The following LRFN5 variants were observed in gnomAD, a reference collection of about 807,000 sequenced individuals.
LRFN5 encodes the protein leucine rich repeat and fibronectin type III domain containing 5, also known as leucine-rich repeat and fibronectin type-III domain-containing protein 5.
A neutral mutation model predicts 45.6 loss-of-function variants in LRFN5; 24 were observed. The observed-to-expected ratio is 0.53, with a 90% CI of 0.38 to 0.74. LRFN5 has a LOEUF of 0.74. Among genes scored for constraint, LRFN5 ranks in the 30% least tolerant of loss-of-function variants. The probability of loss-of-function intolerance (pLI) is 0.00; values close to 1 mark genes in which losing one functional copy is unlikely to be tolerated. For synonymous variants in LRFN5, 340 were observed against 313.8 expected (o/e 1.08, Z -0.88); for missense variants, 776 against 861.5 (o/e 0.90, Z 1.24).
chr14:41,632,032 G>A (rs180847383), intron 1 of LRFN5, among the ~76,000 whole-genome samples: 2 of 152,144 alleles, frequency 1.3e-5, no homozygotes, highest in African/African-American at 4.8e-5. Flanking sequence ...AACAAGGGAG[G>A]ACTAAAGTCT....
intron 1 of LRFN5, among the ~76,000 whole-genome samples, chr14:41,639,531 A>G (rs568826919): frequency 1.8e-4 from 27 of 152,220 alleles, no homozygotes; most frequent in African/African-American, 1.4e-4. Flanking sequence ...TAGTTTGTTC[A>G]TTTATGAAAT....
intron 1 of LRFN5, among the ~76,000 whole-genome samples, chr14:41,710,762 CT>C: frequency 6.6e-6 from 1 of 152,116 alleles, no homozygotes; most frequent in South Asian, 2.1e-4. Context: ...AATGTTATCC[CT>C]CCCCCGTCCC....
chr14:41,815,951 G>A (rs1887901657), intron 2 of LRFN5, among the ~76,000 whole-genome samples: 2 of 151,856 alleles, frequency 1.3e-5, no homozygotes, highest in Non-Finnish European at 2.9e-5. Flanking sequence ...TCTATTTGTT[G>A]CCCTTATTAT....
chr14:41,845,697 G>A (rs1365451412), intron 2 of LRFN5, among the ~76,000 whole-genome samples: 1 of 151,958 alleles, frequency 6.6e-6, no homozygotes, highest in Non-Finnish European at 1.5e-5. Context: ...GGTGCAACTA[G>A]CAACAGATAA....
chr14:41,757,715 G>A (rs953937169), intron 1 of LRFN5, among the ~76,000 whole-genome samples: 2 of 152,178 alleles, frequency 1.3e-5, no homozygotes, highest in African/African-American at 2.4e-5. Flanking sequence ...CAGGTGAGGC[G>A]ATGCCTTGCC....
intron 2 of LRFN5, among the ~76,000 whole-genome samples, chr14:41,825,430 A>C (rs1347385425): frequency 6.6e-6 from 1 of 152,176 alleles, no homozygotes; most frequent in Non-Finnish European, 1.5e-5. Context: ...TTCAGCTCAC[A>C]TTCAGGGAGC....
chr14:41,732,653 G>T (rs774056470), intron 1 of LRFN5, among the ~76,000 whole-genome samples: 2 of 151,594 alleles, frequency 1.3e-5, no homozygotes, highest in Non-Finnish European at 2.9e-5. Flanking sequence ...ATATTCTAGG[G>T]TTATTATATA....
intron 1 of LRFN5, among the ~76,000 whole-genome samples, chr14:41,709,619 TGTGAA>T (rs1333292993): frequency 6.6e-6 from 1 of 152,114 alleles, no homozygotes; most frequent in Non-Finnish European, 1.5e-5. Context: ...TCTCTTTGTA[TGTGAA>T]GAATGACACT....
At chr14:41,752,720 G>C (rs1044794326) in intron 1 of LRFN5, among the ~76,000 whole-genome samples, 1 of 152,120 alleles carries the variant, frequency 6.6e-6, no homozygotes, top group Admixed American at 6.5e-5. Context: ...TAGGTTGCCT[G>C]TTCACTCTGA....
chr14:41,845,737 GT>G (rs1889039500), intron 2 of LRFN5, among the ~76,000 whole-genome samples: 1 of 152,196 alleles, frequency 6.6e-6, no homozygotes, highest in East Asian at 1.9e-4. Flanking sequence ...CAAAAAAAAA[GT>G]TGAATACTAC....
At chr14:41,617,022 A>T (rs1887949433) in intron 1 of LRFN5, among the ~76,000 whole-genome samples, 1 of 152,162 alleles carries the variant, frequency 6.6e-6, no homozygotes, top group Non-Finnish European at 1.5e-5. Flanking sequence ...ATAGGAACTT[A>T]CTAAGAAAAT....
intron 1 of LRFN5, among the ~76,000 whole-genome samples, chr14:41,631,595 G>T (rs2138579621): frequency 6.6e-6 from 1 of 152,240 alleles, no homozygotes; most frequent in Admixed American, 6.5e-5. Context: ...GTGAATGTAA[G>T]ATATCAAGTG....
intron 1 of LRFN5, among the ~76,000 whole-genome samples, chr14:41,641,709 T>G (rs1879586544): frequency 6.6e-6 from 1 of 152,060 alleles, no homozygotes; most frequent in African/African-American, 2.4e-5. Flanking sequence ...TTAACATAGT[T>G]CCTTGTGGTT....
intron 1 of LRFN5, chr14:41,731,827 G>A (rs1884191875): frequency 6.6e-6 from 1 of 152,192 alleles, no homozygotes; most frequent in Non-Finnish European, 1.5e-5. Flanking sequence ...AGAGGAATTA[G>A]GATATTCCAA....
intron 4 of LRFN5, among the ~76,000 whole-genome samples, chr14:41,896,961 G>A (rs144126553): frequency 0.02 from 2,999 of 151,578 alleles, 36 homozygotes; most frequent in Non-Finnish European, 0.029. Context: ...GTGTGGTGGC[G>A]CGCACCTGTA....
intron 2 of LRFN5, 110 bp from the exon 3 acceptor site, chr14:41,886,496 G>A (rs1736539826): frequency 2.7e-6 from 2 of 746,834 alleles, no homozygotes; most frequent in Non-Finnish European, 4.1e-6. Context: ...AAGCAAACAA[G>A]TGAAATTATT....
At chr14:41,727,702 A>G (rs1883995857) in intron 1 of LRFN5, among the ~76,000 whole-genome samples, 1 of 152,166 alleles carries the variant, frequency 6.6e-6, no homozygotes, top group African/African-American at 2.4e-5. Context: ...ACAAAATAAT[A>G]AGAGTAATAA....
intron 3 of LRFN5, among the ~76,000 whole-genome samples, chr14:41,888,351 C>T (rs1890654331): frequency 6.6e-6 from 1 of 152,040 alleles, no homozygotes; most frequent in South Asian, 2.1e-4. Context: ...TCAAGGAAGC[C>T]ACGTTGGGAG....
At chr14:41,745,228 A>G (rs964355277) in intron 1 of LRFN5, among the ~76,000 whole-genome samples, 3 of 152,136 alleles carry the variant, frequency 2.0e-5, no homozygotes, top group African/African-American at 4.8e-5. Context: ...AGAAAAGCTG[A>G]AAATACCGCA....
Sources: gnomAD v4.1 joint callset for allele counts (sites outside exome capture counted in the v4.1 genomes callset) on GRCh38, gnomAD v4.1.1 for gene constraint, MANE v1.5 for transcripts, NCBI Gene and HGNC (gene_info 2026-07-23, HGNC 2026-07-21) for gene names.